TTC23L: variants seen among roughly 807,000 people sequenced by gnomAD.
TTC23L encodes tetratricopeptide repeat domain 23 like, also known as tetratricopeptide repeat protein 23-like.
A neutral mutation model predicts 48.1 loss-of-function variants in TTC23L; 42 were observed. The ratio of observed to expected loss-of-function variants is 0.87; its 90% CI spans 0.68 to 1.13. The LOEUF is 1.13. Ranked by LOEUF, TTC23L falls within the 50% of genes most tolerant of loss-of-function variation. TTC23L has a pLI of 0.00. For missense variants in TTC23L, 391 were observed against 421.0 expected (o/e 0.93, Z 0.62); for synonymous variants, 159 against 157.2 (o/e 1.01, Z -0.09).
At chr5:34,900,368 C>T (rs948014359), downstream of TTC23L, among the ~76,000 whole-genome samples, 19 of 151,966 alleles carry the variant, frequency 1.3e-4, no homozygotes, top group Admixed American at 2.0e-4. Flanking sequence ...AGTGTGGTGG[C>T]TCATTGCCTG....
chr5:34,869,750 G>C, intron 8 of TTC23L: 1 of 152,160 alleles, frequency 6.6e-6, no homozygotes, highest in East Asian at 1.9e-4. Flanking sequence ...TTTCCAGTTA[G>C]AGAGAGGGAC....
At chr5:34,886,755 A>G (rs1294366639) in intron 9 of TTC23L, among the ~76,000 whole-genome samples, 1 of 152,204 alleles carries the variant, frequency 6.6e-6, no homozygotes, top group Non-Finnish European at 1.5e-5. Flanking sequence ...TATGATACAA[A>G]AACTTTAGTT....
At chr5:34,904,560 C>G in the TTC23L span, among the ~76,000 whole-genome samples, 1 of 150,474 alleles carries the variant, frequency 6.6e-6, no homozygotes, top group African/African-American at 2.4e-5. Flanking sequence ...CACCACTGCA[C>G]TCCAGCCTGG....
At chr5:34,843,520 G>A (rs1758865525) in intron 2 of TTC23L, among the ~76,000 whole-genome samples, 1 of 152,128 alleles carries the variant, frequency 6.6e-6, no homozygotes, top group Admixed American at 6.5e-5. Context: ...TTACCTTAAT[G>A]TTATTCAAGG....
intron 2 of TTC23L, 93 bp from the exon 3 acceptor site, chr5:34,845,394 A>G (rs753654821): frequency 2.7e-4 from 351 of 1,286,834 alleles, no homozygotes; most frequent in Non-Finnish European, 3.4e-4. Flanking sequence ...TCATGTCCCT[A>G]TCCCCTAGTT....
At chr5:34,851,746 C>T (rs959587594) in intron 4 of TTC23L, among the ~76,000 whole-genome samples, 1 of 152,196 alleles carries the variant, frequency 6.6e-6, no homozygotes. Context: ...AAACTTACTG[C>T]CTTCATGATA....
the TTC23L span, chr5:34,915,720 G>A: frequency 1.3e-6 from 2 of 1,590,412 alleles, no homozygotes; most frequent in African/African-American, 1.3e-5. Flanking sequence ...GAGGCCAAGA[G>A]CGCGGGCGGC....
downstream of TTC23L, among the ~76,000 whole-genome samples, chr5:34,904,174 G>T (rs1307648868): frequency 6.6e-6 from 1 of 151,312 alleles, no homozygotes; most frequent in Non-Finnish European, 1.5e-5. Flanking sequence ...TTGCTATGTT[G>T]GCCAGACTAG....
At chr5:34,911,863 A>G in the TTC23L span, 1 of 1,573,330 alleles carries the variant, frequency 6.4e-7, no homozygotes, top group Non-Finnish European at 8.6e-7. Context: ...TTCTGGGTTC[A>G]GCTTCTCCTC....
chr5:34,900,360 T>C (rs1220454248), downstream of TTC23L, among the ~76,000 whole-genome samples: 1 of 151,882 alleles, frequency 6.6e-6, no homozygotes, highest in African/African-American at 2.4e-5. Context: ...AGGGGCCAAG[T>C]GTGGTGGCTC....
chr5:34,901,869 C>T (rs554049003), downstream of TTC23L, among the ~76,000 whole-genome samples: 1 of 152,324 alleles, frequency 6.6e-6, no homozygotes, highest in East Asian at 1.9e-4. Context: ...CAGATGATTA[C>T]TCTTTCCATC....
intron 9 of TTC23L, among the ~76,000 whole-genome samples, chr5:34,890,736 A>T (rs929657027): frequency 6.6e-6 from 1 of 152,202 alleles, no homozygotes; most frequent in African/African-American, 2.4e-5. Context: ...CAGGATCTGT[A>T]CTCCAGGAAG....
chr5:34,871,314 C>T (rs1429862515), intron 8 of TTC23L, among the ~76,000 whole-genome samples: 2 of 148,248 alleles, frequency 1.3e-5, no homozygotes, highest in African/African-American at 4.9e-5. Context: ...ATCACAATAG[C>T]CCCATCCCTG....
At chr5:34,917,477 CA>C in the TTC23L span, among the ~76,000 whole-genome samples, 511 of 138,574 alleles carry the variant, frequency 3.7e-3, no homozygotes, top group African/African-American at 6.1e-3. Flanking sequence ...ACTAACACTA[CA>C]AAAAAAAAAA....
At chr5:34,913,236 A>G in the TTC23L span, among the ~76,000 whole-genome samples, 1 of 152,152 alleles carries the variant, frequency 6.6e-6, no homozygotes, top group Non-Finnish European at 1.5e-5. Context: ...CGAATTTACA[A>G]TCCCTCAAAG....
the TTC23L span, chr5:34,915,686 G>A: frequency 6.5e-6 from 10 of 1,531,422 alleles, no homozygotes; most frequent in African/African-American, 1.2e-4. Context: ...ATCGGAAATA[G>A]GAGCGAGCGG....
chr5:34,925,367 G>A, the TTC23L span: 2 of 1,614,016 alleles, frequency 1.2e-6, no homozygotes, highest in Non-Finnish European at 1.7e-6. Flanking sequence ...AACACCAGCT[G>A]AGGAGAAACC....
chr5:34,904,297 A>G (rs1763580453), downstream of TTC23L, among the ~76,000 whole-genome samples: 1 of 150,972 alleles, frequency 6.6e-6, no homozygotes, highest in Admixed American at 6.6e-5. Context: ...CAAGCAAACA[A>G]AAAAGTTTAT....
At chr5:34,850,819 A>G (rs558047133) in intron 4 of TTC23L, among the ~76,000 whole-genome samples, 1 of 152,334 alleles carries the variant, frequency 6.6e-6, no homozygotes, top group East Asian at 1.9e-4. Flanking sequence ...ACTCTAGTAT[A>G]AGAGAATAAG....
Sources: gnomAD v4.1 joint callset for allele counts (sites outside exome capture counted in the v4.1 genomes callset) on GRCh38, gnomAD v4.1.1 for gene constraint, MANE v1.5 for transcripts, NCBI Gene and HGNC (gene_info 2026-07-23, HGNC 2026-07-21) for gene names.